Variants in CMTM6 observed in about 807,000 individuals in gnomAD.
The protein encoded by CMTM6 is CKLF-like MARVEL transmembrane domain-containing protein 6.
In CMTM6, 5 loss-of-function variants were observed where a neutral mutation model predicts 13.6. The observed-to-expected ratio is 0.37, with a 90% CI of 0.19 to 0.77. The LOEUF (loss-of-function observed/expected upper bound fraction) is 0.77, where lower values mean the gene tolerates loss of function less well. CMTM6 is among the 30% of genes least tolerant of loss of function. The probability of loss-of-function intolerance (pLI) is 0.50; values close to 1 mark genes in which losing one functional copy is unlikely to be tolerated. For synonymous variants in CMTM6, 99 were observed against 84.5 expected (o/e 1.17, Z -0.94); for missense variants, 196 against 218.6 (o/e 0.90, Z 0.65).
intron 1 of CMTM6, among the ~76,000 whole-genome samples, chr3:32,495,879 C>T (rs1301418300): frequency 6.6e-6 from 1 of 152,116 alleles, no homozygotes; most frequent in Non-Finnish European, 1.5e-5. Context: ...TTAAGAGAAT[C>T]AAGGAGTACA....
In CMTM6 at chr3:32,497,382, C is replaced by CAA. The variant is rs144445988; in HGVS notation, c.138+5224_138+5225dup. ...CCTGGGCAACAGCGAGACTCTGTCT[C>CAA]AAAAAAAAAAAAAAAAAAGAAAGAA... is the stretch of plus-strand genomic sequence containing the variant. On this transcript the variant is annotated intron_variant, in intron 1 of 3. Coordinates refer to ENST00000205636, the MANE Select transcript of CMTM6 (RefSeq NM_017801.3). Among the ~76,000 whole-genome samples the CAA allele has an allele frequency of 1.5e-4, 8 of 53,584 alleles. No homozygotes were observed. In the East Asian group the frequency reaches 2.2e-3, roughly 14 times the overall value. The allele number at this position is 53,584 out of a possible 152,430, so 35.2% of individuals were successfully genotyped here.
intron 3 of CMTM6, 144 bp downstream of exon 3, chr3:32,487,794 G>C: frequency 3.6e-6 from 2 of 548,650 alleles, no homozygotes; most frequent in Non-Finnish European, 6.6e-6. Context: ...TGATTTGCTT[G>C]TAGGTCTTCT....
chr3:32,502,109 C>T (rs963875613), intron 1 of CMTM6, among the ~76,000 whole-genome samples: 2 of 152,268 alleles, frequency 1.3e-5, no homozygotes, highest in Admixed American at 1.3e-4. Context: ...TTACCGGACA[C>T]ACATACACAC....
In CMTM6 at chr3:32,481,981, C is replaced by T. The variant is rs1697157960; in HGVS notation, c.*1979G>A. ...CTAAGCCCAATACATGGGTGGTGAC[C>T]CTGAGGTAGCCCAGATGATATGCTC... On this transcript the variant is annotated 3_prime_UTR_variant, in exon 4 of 4. Coordinates refer to ENST00000205636, the MANE Select transcript of CMTM6 (RefSeq NM_017801.3). 1 of 152,156 alleles carries T rather than the reference C, an allele frequency of 6.6e-6. No individual in the cohort carries two copies. The highest frequency in any genetic ancestry group is 1.5e-5 in the Non-Finnish European group (1 of 68,022). The allele number at this position is 152,156 out of a possible 1,614,324, so 9.4% of individuals were successfully genotyped here.
At chr3:32,492,992 A>T (rs1330112497) in intron 1 of CMTM6, among the ~76,000 whole-genome samples, 1 of 152,244 alleles carries the variant, frequency 6.6e-6, no homozygotes, top group Non-Finnish European at 1.5e-5. Flanking sequence ...CTATTTTACC[A>T]GCCTTTTACA....
chr3:32,497,009 G>C (rs1438129559), intron 1 of CMTM6, among the ~76,000 whole-genome samples: 1 of 152,062 alleles, frequency 6.6e-6, no homozygotes, highest in African/African-American at 2.4e-5. Flanking sequence ...GGGGCCTAAA[G>C]GAATTCTACA....
At chr3:32,499,798 T>C (rs1697329644) in intron 1 of CMTM6, among the ~76,000 whole-genome samples, 1 of 151,146 alleles carries the variant, frequency 6.6e-6, no homozygotes, top group Non-Finnish European at 1.5e-5. Context: ...AGAAGTTACG[T>C]TCTTTTATCT....
At chr3:32,487,067 A>C (rs1041019924) in intron 3 of CMTM6, among the ~76,000 whole-genome samples, 1 of 152,226 alleles carries the variant, frequency 6.6e-6, no homozygotes, top group Non-Finnish European at 1.5e-5. Flanking sequence ...GGCAAGAAGG[A>C]ACTAATCCAG....
chr3:32,498,820 C>T (rs1020290577), intron 1 of CMTM6, among the ~76,000 whole-genome samples: 2 of 151,682 alleles, frequency 1.3e-5, no homozygotes, highest in South Asian at 2.1e-4. Flanking sequence ...CCTTGTGATC[C>T]GCTCACCTCG....
Position 32,502,496 on chromosome 3 carries a change from A to G in CMTM6, c.138+112T>C. 5 of 1,368,468 alleles carry G rather than the reference A, an allele frequency of 3.7e-6. No individual in the cohort carries two copies. The South Asian group carries it at 4.0e-5, about 11-fold the overall frequency. 84.8% of individuals were successfully genotyped at this position (1,368,468 alleles called of 1,614,324 possible). A position where few individuals can be genotyped will look rare whatever the true frequency, so the allele number is the denominator to read the frequency against. On this transcript the variant is annotated intron_variant, in intron 1 of 3. Transcript: ENST00000205636. ...AGAGGGAAGGAACTAGAGGTGTGGA[A>G]ACCTCCTTTTACTGAACAACCAAGC... is the stretch of plus-strand genomic sequence containing the variant.
In CMTM6 at chr3:32,488,366, GA is replaced by G. The variant is rs549593148; in HGVS notation, c.316-331del. 7.8e-3 allele frequency: 924 copies of G among 118,270 alleles called. 4 individuals carry two copies. The highest frequency in any genetic ancestry group is 0.021 in the African/African-American group (661 of 31,570). 7.3% of individuals were successfully genotyped at this position (118,270 alleles called of 1,614,324 possible). On this transcript the variant is annotated intron_variant, in intron 2 of 3. Coordinates refer to ENST00000205636, the MANE Select transcript of CMTM6 (RefSeq NM_017801.3). ...TTTTTTATTATCCAGTCCAAAAAAAGAAAAAAAAAAAAAAACAGTCCCGGAA... is the reference window on the plus strand; with the variant it reads ...TTTTTTATTATCCAGTCCAAAAAAAGAAAAAAAAAAAAAACAGTCCCGGAA...
chr3:32,501,426 A>G (rs1376033980), intron 1 of CMTM6, among the ~76,000 whole-genome samples: 1 of 152,208 alleles, frequency 6.6e-6, no homozygotes, highest in Non-Finnish European at 1.5e-5. Flanking sequence ...AAAGGTGGCC[A>G]GTGTGGAACC....
chr3:32,501,498 A>C (rs1415627425), intron 1 of CMTM6, among the ~76,000 whole-genome samples: 1 of 152,208 alleles, frequency 6.6e-6, no homozygotes, highest in Non-Finnish European at 1.5e-5. Context: ...AGGCCACATT[A>C]TCACTTGCTT....
intron 2 of CMTM6, chr3:32,488,434 T>A (rs1697223768): frequency 6.5e-6 from 1 of 153,718 alleles, no homozygotes; most frequent in Non-Finnish European, 1.4e-5. Context: ...GTGTGTGTCC[T>A]CTTTTTCTCT....
chr3:32,488,870 T>A (rs1450775392), intron 2 of CMTM6, among the ~76,000 whole-genome samples: 3 of 152,210 alleles, frequency 2.0e-5, no homozygotes. Context: ...ATGACATATA[T>A]ACTTGATTCA....
intron 1 of CMTM6, among the ~76,000 whole-genome samples, chr3:32,501,147 G>T (rs1161228484): frequency 7.3e-6 from 1 of 137,658 alleles, no homozygotes; most frequent in Non-Finnish European, 1.5e-5. Context: ...CCGAGATTGC[G>T]CCACTGCCCC....
At chr3:32,497,277 C>T (rs1217717179) in intron 1 of CMTM6, among the ~76,000 whole-genome samples, 1 of 147,716 alleles carries the variant, frequency 6.8e-6, no homozygotes, top group Non-Finnish European at 1.5e-5. Context: ...CCCAGCTACT[C>T]GGGAGGCTGA....
At chr3:32,489,652 CAAAAAAGAAAAAAA>C (rs923590677) in intron 2 of CMTM6, among the ~76,000 whole-genome samples, 63 of 140,332 alleles carry the variant, frequency 4.5e-4, no homozygotes, top group African/African-American at 1.6e-3. Context: ...AACTCTGTCT[CAAAAAAGAAAAAAA>C]AAAAAAGAGG....
intron 2 of CMTM6, among the ~76,000 whole-genome samples, chr3:32,489,581 G>T (rs1697234032): frequency 6.6e-6 from 1 of 151,434 alleles, no homozygotes; most frequent in Non-Finnish European, 1.5e-5. Flanking sequence ...AACCCAGGAA[G>T]CACAAGGTTG....
Sources: gnomAD v4.1 joint callset for allele counts (sites outside exome capture counted in the v4.1 genomes callset) on GRCh38, gnomAD v4.1.1 for gene constraint, MANE v1.5 for transcripts, NCBI Gene and HGNC (gene_info 2026-07-23, HGNC 2026-07-21) for gene names.